The following PHKG2 variants were observed in gnomAD, a reference collection of about 807,000 sequenced individuals.
PHKG2 encodes phosphorylase b kinase gamma catalytic chain, liver/testis isoform.
In PHKG2, 28 loss-of-function variants were observed where a neutral mutation model predicts 44.5. That is an observed-to-expected ratio of 0.63 (90% CI 0.47 to 0.86). The LOEUF is 0.86. Among genes scored for constraint, PHKG2 ranks in the 40% least tolerant of loss-of-function variants. The pLI is 0.00. For synonymous variants in PHKG2, 220 were observed against 211.2 expected (o/e 1.04, Z -0.36); for missense variants, 498 against 547.5 (o/e 0.91, Z 0.90).
At position 30,757,229 on chromosome 16, in the gene PHKG2, C is replaced by T. The variant is rs1019795473; in HGVS notation, c.*132C>T. On this transcript the variant is annotated 3_prime_UTR_variant, in exon 10 of 10. Coordinates refer to ENST00000563588, the MANE Select transcript of PHKG2 (RefSeq NM_000294.3). Reference sequence around the variant, plus strand: ...CCTGCTACCCTCTTGAAGACCAGCCCGGTACCTCTCTCCCCACTGGCCAGG... The same window carrying T: ...CCTGCTACCCTCTTGAAGACCAGCCTGGTACCTCTCTCCCCACTGGCCAGG... 38 of 1,577,546 alleles carry T rather than the reference C, an allele frequency of 2.4e-5. No individual in the cohort carries two copies. The highest frequency in any genetic ancestry group is 3.1e-5 in the Non-Finnish European group (36 of 1,169,762).
rs1224043617 is a variant in PHKG2 at position 30,760,700 on chromosome 16, G to GC, written c.*3605dup. 2 of 1,543,974 alleles carry GC rather than the reference G, an allele frequency of 1.3e-6. No homozygotes were observed. Among genetic ancestry groups the GC allele is most frequent in the Admixed American group, 2.0e-5 (1 of 50,990 alleles). On this transcript the variant is annotated 3_prime_UTR_variant, in exon 10 of 10. Coordinates refer to ENST00000563588, the MANE Select transcript of PHKG2 (RefSeq NM_000294.3). Reference sequence around the variant, plus strand: ...TAGTAAAAGAAAAAGAGTATTGGTGGCCGTTACCTATCATGACAAGGCTGT... The same window carrying GC: ...TAGTAAAAGAAAAAGAGTATTGGTGGCCCGTTACCTATCATGACAAGGCTGT...
Position 30,760,086 on chromosome 16 carries a change from C to T in PHKG2, c.*2989C>T, listed in dbSNP as rs1358578373. On this transcript the variant is annotated 3_prime_UTR_variant, in exon 10 of 10. Transcript: ENST00000563588. ...GCATATATTATTTCTCAGAACAGTC[C>T]TGTAAAATGTGTGCTGTATCCTTAA... The T allele has an allele frequency of 2.0e-6, 3 of 1,536,962 alleles. No homozygotes were observed. The highest frequency in any genetic ancestry group is 2.6e-6 in the Non-Finnish European group (3 of 1,147,160).
intron 4 of PHKG2, 100 bp from the exon 5 acceptor site, chr16:30,753,132 C>G: frequency 1.1e-6 from 1 of 937,046 alleles, no homozygotes; most frequent in Non-Finnish European, 1.7e-6. Context: ...AGAGATCTAT[C>G]TTTAGTGGCC....
rs749101763 is a variant in PHKG2, at chr16:30,759,116, C to T, written c.*2019C>T. Reference sequence around the variant, plus strand: ...TTCTTCTTTCTCTGCAAACCAGAAGCAGGAAGAGACTGTGGCCCCAGGCCT... The same window carrying T: ...TTCTTCTTTCTCTGCAAACCAGAAGTAGGAAGAGACTGTGGCCCCAGGCCT... On this transcript the variant is annotated 3_prime_UTR_variant, in exon 10 of 10. Coordinates refer to ENST00000563588, the MANE Select transcript of PHKG2 (RefSeq NM_000294.3). 6 of 1,614,178 alleles carry T rather than the reference C, an allele frequency of 3.7e-6. No homozygotes were observed. Among genetic ancestry groups the T allele is most frequent in the Non-Finnish European group, 5.1e-6 (6 of 1,180,038 alleles).
chr16:30,748,715 G>A, intron 1 of PHKG2, 88 bp from the exon 2 acceptor site: 1 of 252,638 alleles, frequency 4.0e-6, no homozygotes, highest in Non-Finnish European at 7.3e-6. Flanking sequence ...CGCCCCAGCT[G>A]CAAGGGCTGC....
chr16:30,749,317 T>C (rs1285426478), intron 2 of PHKG2, among the ~76,000 whole-genome samples: 2 of 151,790 alleles, frequency 1.3e-5, no homozygotes, highest in Non-Finnish European at 2.9e-5. Context: ...TCAGGTTTTC[T>C]CAGGAGAAGA....
At chr16:30,749,493 G>A (rs923767790) in intron 2 of PHKG2, among the ~76,000 whole-genome samples, 3 of 152,068 alleles carry the variant, frequency 2.0e-5, no homozygotes, top group Admixed American at 6.6e-5. Flanking sequence ...GATTACAGGC[G>A]CGCGCCACCA....
chr16:30,757,335 T>C lies in PHKG2; in HGVS notation c.*238T>C. Reference sequence around the variant, plus strand: ...CGGTCAGTGCTGCATGCACTGCATATGAAATAAAATCTGCTACACGCCAGG... The same window carrying C: ...CGGTCAGTGCTGCATGCACTGCATACGAAATAAAATCTGCTACACGCCAGG... On this transcript the variant is annotated 3_prime_UTR_variant, in exon 10 of 10. Coordinates refer to ENST00000563588, the MANE Select transcript of PHKG2 (RefSeq NM_000294.3). 1 of 1,529,156 alleles carries C rather than the reference T, an allele frequency of 6.5e-7. No homozygotes were observed. Among genetic ancestry groups the C allele is most frequent in the Non-Finnish European group, 8.7e-7 (1 of 1,142,936 alleles). The allele number at this position is 1,529,156 out of a possible 1,614,324, so 94.7% of individuals were successfully genotyped here. A position where few individuals can be genotyped will look rare whatever the true frequency, so the allele number is the denominator to read the frequency against.
chr16:30,753,677 C>A, intron 6 of PHKG2, 120 bp downstream of exon 6: 1 of 965,052 alleles, frequency 1.0e-6, no homozygotes, highest in Non-Finnish European at 1.6e-6. Flanking sequence ...TCATTGGGCA[C>A]TTGCCAAGTA....
intron 3 of PHKG2, 84 bp from the exon 4 acceptor site, chr16:30,751,465 G>A (rs2053342944): frequency 5.2e-6 from 7 of 1,359,048 alleles, no homozygotes; most frequent in Non-Finnish European, 7.4e-6. Flanking sequence ...ACAGCCCGCT[G>A]CTGTCCCAGG....
In PHKG2 at chr16:30,757,202, A is replaced by G; in HGVS notation, c.*105A>G. ...GCCTCTGGCCTCAGGCCCACTAATG[A>G]TCCTGCTACCCTCTTGAAGACCAGC... On this transcript the variant is annotated 3_prime_UTR_variant, in exon 10 of 10. Transcript: ENST00000563588. 6.3e-7 allele frequency: 1 copy of G among 1,595,648 alleles called. No homozygotes were observed. The highest frequency in any genetic ancestry group is 8.5e-7 in the Non-Finnish European group (1 of 1,177,768).
Position 30,749,022 on chromosome 16 carries a change from G to A in PHKG2, c.95+107G>A. 3.7e-5 allele frequency: 2 copies of A among 53,402 alleles called. 1 individual carries two copies. The allele number at this position is 53,402 out of a possible 1,614,324, so 3.3% of individuals were successfully genotyped here. A position where few individuals can be genotyped will look rare whatever the true frequency, so the allele number is the denominator to read the frequency against. On this transcript the variant is annotated intron_variant, in intron 2 of 9. Transcript: ENST00000563588. ...GCGGGTGGTGGTGGTGGTGGTGGTG[G>A]TGGTGGTGGTGGTGGTGGTGGTGGT... is the stretch of plus-strand genomic sequence containing the variant.
intron 6 of PHKG2, among the ~76,000 whole-genome samples, chr16:30,754,668 G>A (rs1435620674): frequency 7.2e-5 from 11 of 152,146 alleles, no homozygotes; most frequent in Admixed American, 6.5e-4. Flanking sequence ...GGTGGATGTT[G>A]TACTTTAAAA....
chr16:30,748,923 C>G lies in PHKG2; in HGVS notation c.95+8C>G. 1.3e-6 allele frequency: 2 copies of G among 1,548,956 alleles called. No individual in the cohort carries two copies. Among genetic ancestry groups the G allele is most frequent in the Non-Finnish European group, 1.7e-6 (2 of 1,144,776 alleles). ...TAAGGACGTCATCGGCAGGTAAGGC[C>G]GCGGCCAGGGAAACGGAGGTCCAAA... is the stretch of plus-strand genomic sequence containing the variant. On this transcript the variant is annotated splice_region_variant and intron_variant, in intron 2 of 9. Coordinates refer to ENST00000563588, the MANE Select transcript of PHKG2 (RefSeq NM_000294.3).
chr16:30,749,096 GC>G lies in PHKG2; in HGVS notation c.95+182del, dbSNP rs1567259512. Among the ~76,000 whole-genome samples the G allele has an allele frequency of 5.2e-4, 30 of 57,374 alleles. 7 individuals carry two copies. The highest frequency in any genetic ancestry group is 9.4e-3 in the Middle Eastern group (1 of 106). The allele number at this position is 57,374 out of a possible 152,430, so 37.6% of individuals were successfully genotyped here. On this transcript the variant is annotated intron_variant, in intron 2 of 9. Coordinates refer to ENST00000563588, the MANE Select transcript of PHKG2 (RefSeq NM_000294.3). ...TGGTGGTGGTGGTGGTGGTGCTGCT[GC>G]TGCTGCTGCTGCTGGTGGTGCTGGT...
chr16:30,749,240 GTGCTGGTGC>G lies in PHKG2; in HGVS notation c.95+328_95+336del, dbSNP rs1296772780. On this transcript the variant is annotated intron_variant, in intron 2 of 9. Coordinates refer to ENST00000563588, the MANE Select transcript of PHKG2 (RefSeq NM_000294.3). ...GTGTGTGTGTCTTTCGGTGGTGGTG[GTGCTGGTGC>G]TGGTGGTGCTGGTGGTGGTGGTGTG... 8.7e-3 allele frequency among the ~76,000 whole-genome samples: 1,232 copies of G among 141,102 alleles called. 28 individuals carry two copies. The highest frequency in any genetic ancestry group is 0.03 in the African/African-American group (1,131 of 37,326). The allele number at this position is 141,102 out of a possible 152,430, so 92.6% of individuals were successfully genotyped here. A position where few individuals can be genotyped will look rare whatever the true frequency, so the allele number is the denominator to read the frequency against.
Position 30,759,763 on chromosome 16 carries a change from T to C in PHKG2, c.*2666T>C. The C allele has an allele frequency of 1.3e-6, 2 of 1,570,684 alleles. No homozygotes were observed. The highest frequency in any genetic ancestry group is 1.7e-6 in the Non-Finnish European group (2 of 1,159,770). On this transcript the variant is annotated 3_prime_UTR_variant, in exon 10 of 10. Transcript: ENST00000563588. ...CAAGATGCAGCAGTGAGGCCCTCTC[T>C]GGTATCCATTCATTCACTTCACTCA...
rs889296413 is a variant in PHKG2, at chr16:30,760,959, A to G, written c.*3862A>G. Reference sequence around the variant, plus strand: ...TGGCCCTCAGTGTCCCCCTCTGTACAATACTCCTTAGCGGCCATGAGACTC... The same window carrying G: ...TGGCCCTCAGTGTCCCCCTCTGTACGATACTCCTTAGCGGCCATGAGACTC... On this transcript the variant is annotated 3_prime_UTR_variant, in exon 10 of 10. Coordinates refer to ENST00000563588, the MANE Select transcript of PHKG2 (RefSeq NM_000294.3). 11 of 612,672 alleles carry G rather than the reference A, an allele frequency of 1.8e-5. No individual in the cohort carries two copies. The highest frequency in any genetic ancestry group is 5.5e-5 in the East Asian group (2 of 36,500). The allele number at this position is 612,672 out of a possible 1,614,324, so 38.0% of individuals were successfully genotyped here.
chr16:30,759,582 A>G lies in PHKG2; in HGVS notation c.*2485A>G. On this transcript the variant is annotated 3_prime_UTR_variant, in exon 10 of 10. Transcript: ENST00000563588. ...TCTTCACAAGAAGATAAGGGTGATGAATGTGAGAGAGACTGGGTGAGACCT... is the reference window on the plus strand; with the variant it reads ...TCTTCACAAGAAGATAAGGGTGATGGATGTGAGAGAGACTGGGTGAGACCT... 1.2e-6 allele frequency: 2 copies of G among 1,614,108 alleles called. No homozygotes were observed. The highest frequency in any genetic ancestry group is 1.7e-6 in the Non-Finnish European group (2 of 1,179,998).
Sources: gnomAD v4.1 joint callset for allele counts (sites outside exome capture counted in the v4.1 genomes callset) on GRCh38, gnomAD v4.1.1 for gene constraint, MANE v1.5 for transcripts, NCBI Gene and HGNC (gene_info 2026-07-23, HGNC 2026-07-21) for gene names.